The following IPO11 variants were observed in gnomAD, a reference collection of about 807,000 sequenced individuals.
IPO11 encodes importin 11.
In IPO11, 66 loss-of-function variants were observed where a neutral mutation model predicts 143.2. The observed-to-expected ratio is 0.46, with a 90% CI of 0.38 to 0.57. The LOEUF is 0.57. Ranked by LOEUF, IPO11 falls within the 20% of genes least tolerant of loss-of-function variation. The pLI, the probability that IPO11 is intolerant of heterozygous loss-of-function variation, is 0.00. For synonymous variants in IPO11, 385 were observed against 377.8 expected (o/e 1.02, Z -0.22); for missense variants, 1,026 against 1,141.0 (o/e 0.90, Z 1.45).
intron 19 of IPO11, among the ~76,000 whole-genome samples, chr5:62,514,832 T>C (rs1741950985): frequency 6.6e-6 from 1 of 152,240 alleles, no homozygotes; most frequent in Non-Finnish European, 1.5e-5. Flanking sequence ...TAATCCATAG[T>C]GAGCTTAGCA....
At chr5:62,621,840 G>A (rs954880923) in intron 29 of IPO11, among the ~76,000 whole-genome samples, 2 of 151,726 alleles carry the variant, frequency 1.3e-5, no homozygotes. Flanking sequence ...ATCAAGAAGC[G>A]CACTAAACTT....
chr5:62,489,975 T>A, intron 14 of IPO11, 140 bp from the exon 15 acceptor site: 1 of 418,760 alleles, frequency 2.4e-6, no homozygotes, highest in Non-Finnish European at 4.2e-6. Flanking sequence ...AATTATTTCT[T>A]CTACTTAAAT....
intron 28 of IPO11, among the ~76,000 whole-genome samples, chr5:62,598,848 A>G (rs1476450694): frequency 2.6e-5 from 4 of 151,860 alleles, no homozygotes; most frequent in Non-Finnish European, 5.9e-5. Flanking sequence ...CCTGGCCCAT[A>G]AATCATTTCT....
chr5:62,454,292 C>T (rs978181388), intron 5 of IPO11, among the ~76,000 whole-genome samples: 3 of 152,198 alleles, frequency 2.0e-5, no homozygotes, highest in Non-Finnish European at 4.4e-5. Flanking sequence ...TTCACTCACT[C>T]AAGTCTTTCT....
chr5:62,450,056 AT>A, intron 4 of IPO11, 57 bp downstream of exon 4: 1 of 1,084,374 alleles, frequency 9.2e-7, no homozygotes, highest in Non-Finnish European at 1.4e-6. Flanking sequence ...TTCCAAACTA[AT>A]TTTATATTCT....
At position 62,414,001 on chromosome 5, in the gene IPO11, GTA is replaced by G. The variant is rs1743207991; in HGVS notation, c.-7+1075_-7+1076del. ...TGTTTCTGCAGTAACCTAGCACAGG[GTA>G]TAGTAGAAACAATTAATTATAGTAG... On this transcript the variant is annotated intron_variant, in intron 1 of 29. Transcript: ENST00000325324. Among the ~76,000 whole-genome samples the G allele has an allele frequency of 2.6e-5, 4 of 152,270 alleles. No homozygotes were observed. The South Asian group carries it at 8.3e-4, about 32-fold the overall frequency.
intron 24 of IPO11, among the ~76,000 whole-genome samples, chr5:62,547,299 A>C (rs554823587): frequency 1.3e-5 from 2 of 152,184 alleles, no homozygotes; most frequent in African/African-American, 4.8e-5. Flanking sequence ...ATTTTTCACT[A>C]TAAGAGAAAT....
At chr5:62,580,395 A>G (rs1233262909) in intron 27 of IPO11, 3 of 1,550,770 alleles carry the variant, frequency 1.9e-6, no homozygotes, top group South Asian at 1.2e-5. Context: ...ATAATGATAC[A>G]TTTGAAAATA....
intron 29 of IPO11, among the ~76,000 whole-genome samples, chr5:62,609,485 T>G (rs887563471): frequency 3.9e-5 from 6 of 152,352 alleles, no homozygotes; most frequent in African/African-American, 1.4e-4. Flanking sequence ...TAACAGCATG[T>G]ATGATGTATA....
At chr5:62,591,964 C>T (rs182071790) in intron 28 of IPO11, among the ~76,000 whole-genome samples, 1 of 152,262 alleles carries the variant, frequency 6.6e-6, no homozygotes, top group Non-Finnish European at 1.5e-5. Context: ...ATTCTCTTGC[C>T]TTAGCTTCCC....
intron 16 of IPO11, among the ~76,000 whole-genome samples, chr5:62,500,655 G>A (rs1297504039): frequency 2.0e-5 from 3 of 152,042 alleles, no homozygotes; most frequent in South Asian, 2.1e-4. Context: ...ATGTTACCAG[G>A]CCTTCCTAAT....
At chr5:62,423,527 T>A (rs1743590683) in intron 1 of IPO11, among the ~76,000 whole-genome samples, 1 of 152,228 alleles carries the variant, frequency 6.6e-6, no homozygotes, top group South Asian at 2.1e-4. Context: ...GGAGGTGATG[T>A]CTACCATGAA....
chr5:62,498,890 A>G (rs919665495), intron 16 of IPO11, among the ~76,000 whole-genome samples: 1 of 152,252 alleles, frequency 6.6e-6, no homozygotes, highest in Non-Finnish European at 1.5e-5. Context: ...AGAAATTTTT[A>G]GAAAGTTTTA....
chr5:62,510,437 A>AT (rs1232350260), intron 19 of IPO11, among the ~76,000 whole-genome samples: 1 of 152,156 alleles, frequency 6.6e-6, no homozygotes, highest in Non-Finnish European at 1.5e-5. Context: ...TTGTAAAACT[A>AT]TTTGAGTTTT....
At chr5:62,560,999 A>G (rs965827079) in intron 26 of IPO11, 137 bp from the exon 27 acceptor site, 1 of 673,578 alleles carries the variant, frequency 1.5e-6, no homozygotes, top group Non-Finnish European at 2.3e-6. Flanking sequence ...ACTTAACCCC[A>G]GTTCAGGTAT....
chr5:62,416,022 G>A (rs376761703), intron 1 of IPO11, among the ~76,000 whole-genome samples: 10 of 152,020 alleles, frequency 6.6e-5, no homozygotes, highest in Admixed American at 3.3e-4. Context: ...CACAGTTCTG[G>A]AGAGTGGAAG....
At position 62,555,754 on chromosome 5, in the gene IPO11, C is replaced by T. The variant is rs138351080; in HGVS notation, c.2460+4418C>T. On this transcript the variant is annotated intron_variant, in intron 26 of 29. Transcript: ENST00000325324. ...TCCTGACCTCGTGATCCGCCTGCCT[C>T]GGCCTCCCAATGTGTTGGGGTTACA... is the stretch of plus-strand genomic sequence containing the variant. Among the ~76,000 whole-genome samples the T allele has an allele frequency of 4.4e-3, 676 of 152,096 alleles. 7 individuals carry two copies. The highest frequency in any genetic ancestry group is 0.016 in the African/African-American group (649 of 41,494).
At chr5:62,520,881 G>A (rs959056259) in intron 20 of IPO11, among the ~76,000 whole-genome samples, 1 of 152,312 alleles carries the variant, frequency 6.6e-6, no homozygotes. Flanking sequence ...TAATGGGATG[G>A]CTGGGCCAAA....
chr5:62,594,371 TACAGTCC>T (rs1745137747), intron 28 of IPO11, among the ~76,000 whole-genome samples: 1 of 152,188 alleles, frequency 6.6e-6, no homozygotes. Context: ...GAGTACAGAA[TACAGTCC>T]ACAGTTCTTT....
Sources: allele counts gnomAD v4.1 joint callset (sites outside exome capture counted in the v4.1 genomes callset), GRCh38; gene constraint gnomAD v4.1.1; transcripts MANE v1.5; gene names NCBI Gene and HGNC (gene_info 2026-07-23, HGNC 2026-07-21).